The following AQP7 variants were observed in gnomAD, a reference collection of about 807,000 sequenced individuals.
AQP7 encodes the protein aquaporin 7, also known as aquaporin-7.
In AQP7, 22 loss-of-function variants were observed where a neutral mutation model predicts 26.1. The ratio of observed to expected loss-of-function variants is 0.84; its 90% confidence interval spans 0.60 to 1.20. The LOEUF is 1.20. Among genes scored for constraint, AQP7 ranks in the 50% most tolerant of loss-of-function variants. The probability of loss-of-function intolerance (pLI) is 0.00; values close to 1 mark genes in which losing one functional copy is unlikely to be tolerated. For synonymous variants in AQP7, 167 were observed against 181.7 expected (o/e 0.92, Z 0.65); for missense variants, 412 against 457.5 (o/e 0.90, Z 0.91).
At position 33,383,844 on chromosome 9, in the gene AQP7, G is replaced by A. The variant is rs1460883382; in HGVS notation, c.*1161C>T. The A allele has an allele frequency of 6.7e-6, 1 of 150,188 alleles. No homozygotes were observed. The highest frequency in any genetic ancestry group is 1.5e-5 in the Non-Finnish European group (1 of 67,762). 9.3% of individuals were successfully genotyped at this position (150,188 alleles called of 1,614,324 possible). ...CTCCTCTGGGAAGCCTCCTGGCCTTGGCCCAGAGGCTGGATGTGAGCTCCC... is the reference window on the plus strand; with the variant it reads ...CTCCTCTGGGAAGCCTCCTGGCCTTAGCCCAGAGGCTGGATGTGAGCTCCC... On this transcript the variant is annotated 3_prime_UTR_variant, in exon 8 of 8. Transcript: ENST00000297988.
Position 33,387,047 on chromosome 9 carries a change from A to G in AQP7, c.190T>C (p.Tyr64His), listed in dbSNP as rs1276354660. The change falls in exon 4 of 8, where the codon TAT becomes CAT. Residue 64 changes from tyrosine to histidine, a missense_variant. Transcript: ENST00000297988. ...AAGTTGACACCAAGGTAGCTCCCATATTTTTTATTTAGAACCATATGGGCC... is the reference window on the plus strand; with the variant it reads ...AAGTTGACACCAAGGTAGCTCCCATGTTTTTTATTTAGAACCATATGGGCC... Reference protein sequence around the residue: ...SVAHMVLNKKYGSYLGVNLGF... With the variant: ...SVAHMVLNKKHGSYLGVNLGF... The G allele has an allele frequency of 1.9e-6, 3 of 1,611,804 alleles. No individual in the cohort carries two copies. The highest frequency in any genetic ancestry group is 1.7e-6 in the Non-Finnish European group (2 of 1,179,840).
rs779798437 is a variant in AQP7 at position 33,386,459 on chromosome 9, C to T, written c.351G>A (p.Leu117=). 3.1e-6 allele frequency: 5 copies of T among 1,611,792 alleles called. No individual in the cohort carries two copies. The East Asian group carries it at 1.1e-4, about 36-fold the overall frequency. ...VPWRKFPVYV[L]GQFLGSFLAA... Reference sequence around the variant, plus strand: ...CCAGGAAGGAGCCCAGGAACTGCCCCAGCACATAGACCGGAAACTTCCTCC... The same window carrying T: ...CCAGGAAGGAGCCCAGGAACTGCCCTAGCACATAGACCGGAAACTTCCTCC... The change falls in exon 5 of 8, where the codon CTG becomes CTA. Residue 117 remains leucine, a synonymous_variant. Coordinates refer to ENST00000297988, the MANE Select transcript of AQP7 (RefSeq NM_001170.3).
rs535356696 is a variant in AQP7, at chr9:33,389,272, G to A, written c.145-2180C>T. Reference sequence around the variant, plus strand: ...TCAAACACCTGACCTCAGATGATCCGCCTGCCTTGGCCTCCCAAAGTCCTG... The same window carrying A: ...TCAAACACCTGACCTCAGATGATCCACCTGCCTTGGCCTCCCAAAGTCCTG... On this transcript the variant is annotated intron_variant, in intron 3 of 7. Transcript: ENST00000297988. Among the ~76,000 whole-genome samples the A allele has an allele frequency of 5.3e-5, 8 of 152,186 alleles. No individual in the cohort carries two copies. In the South Asian group the frequency reaches 1.0e-3, roughly 20 times the overall value.
At chr9:33,386,766 A>G (rs1824853659) in intron 4 of AQP7, among the ~76,000 whole-genome samples, 1 of 152,210 alleles carries the variant, frequency 6.6e-6, no homozygotes. Context: ...TGACCCAGCC[A>G]GTGAAAATGG....
rs140886274 is a variant in AQP7, at chr9:33,385,137, G to C, written c.897C>G (p.Thr299=). The change falls in exon 8 of 8, where the codon ACC becomes ACG. Residue 299 remains threonine, a synonymous_variant. Transcript: ENST00000297988. ...DSVAYEDHGI[T]VLPKMGSHEP... ...CATGAGATCCCATCTTGGGCAATACGGTTATCCCGTGGTCTTCATACGCCA... is the reference window on the plus strand; with the variant it reads ...CATGAGATCCCATCTTGGGCAATACCGTTATCCCGTGGTCTTCATACGCCA... 11 of 1,611,964 alleles carry C rather than the reference G, an allele frequency of 6.8e-6. No individual in the cohort carries two copies. Among genetic ancestry groups the C allele is most frequent in the Non-Finnish European group, 8.5e-6 (10 of 1,179,832 alleles).
rs148119598 is a variant in AQP7, at chr9:33,401,247, C to T, written c.16G>A (p.Gly6Arg). The stretch of plus-strand genomic sequence containing the variant: ...GGGTGGGGTACTTACCGCCTGTGCC[C>T]GGATGCTTGAACCATGTTTTGTCTT... The part of the protein sequence containing the change: MVQAS[G>R]HRRSTRGSKM... Residue 6 changes from glycine to arginine, a missense_variant, in exon 2 of 8, where the codon GGG becomes AGG. Gly to Arg is a moderately radical substitution (Grantham distance 125). Transcript: ENST00000297988. 4.6e-4 allele frequency: 719 copies of T among 1,549,284 alleles called. 2 individuals are homozygous for T. The highest frequency in any genetic ancestry group is 1.3e-3 in the South Asian group (108 of 83,948).
intron 3 of AQP7, among the ~76,000 whole-genome samples, chr9:33,390,887 C>T (rs868453985): frequency 6.6e-6 from 1 of 152,122 alleles, no homozygotes; most frequent in Non-Finnish European, 1.5e-5. Context: ...CGAGGCAGGC[C>T]GATCATGAGG....
At chr9:33,388,150 G>T (rs1324477519) in intron 3 of AQP7, among the ~76,000 whole-genome samples, 3 of 152,170 alleles carry the variant, frequency 2.0e-5, no homozygotes, top group Non-Finnish European at 4.4e-5. Context: ...CTCCGCGGGG[G>T]AGCCGGATCC....
intron 3 of AQP7, among the ~76,000 whole-genome samples, chr9:33,387,340 C>G (rs1417365172): frequency 2.0e-5 from 3 of 152,130 alleles, no homozygotes; most frequent in South Asian, 2.1e-4. Context: ...GAAGCTCTTA[C>G]GACAAACATC....
intron 3 of AQP7, among the ~76,000 whole-genome samples, chr9:33,394,632 A>G (rs1339031216): frequency 1.3e-5 from 2 of 151,612 alleles, no homozygotes; most frequent in African/African-American, 4.8e-5. Context: ...TGAATAACTG[A>G]GATTACAGGC....
At chr9:33,392,086 G>C (rs1564181874) in intron 3 of AQP7, among the ~76,000 whole-genome samples, 1 of 152,154 alleles carries the variant, frequency 6.6e-6, no homozygotes, top group African/African-American at 2.4e-5. Context: ...GGCCGAGGTG[G>C]GAGGATCACT....
intron 3 of AQP7, among the ~76,000 whole-genome samples, chr9:33,394,487 T>A (rs1387597500): frequency 2.4e-4 from 1 of 4,114 alleles, no homozygotes; most frequent in Admixed American, 0.018. Context: ...TCTCTCTCTC[T>A]TTTTTTTTTT....
intron 3 of AQP7, 97 bp downstream of exon 3, chr9:33,394,981 A>T: frequency 9.4e-7 from 1 of 1,064,418 alleles, no homozygotes; most frequent in Middle Eastern, 2.5e-4. Context: ...GCTCAGAGGC[A>T]AGGAATGGAC....
chr9:33,398,339 T>C (rs1287780109), intron 2 of AQP7, among the ~76,000 whole-genome samples: 1 of 151,542 alleles, frequency 6.6e-6, no homozygotes, highest in Non-Finnish European at 1.5e-5. Context: ...TTAGGGAGTC[T>C]GAACTCTACC....
In AQP7 at chr9:33,385,769, A is replaced by T; in HGVS notation, c.623T>A (p.Ile208Asn). 1 of 1,613,620 alleles carries T rather than the reference A, an allele frequency of 6.2e-7. No homozygotes were observed. The highest frequency in any genetic ancestry group is 1.1e-5 in the South Asian group (1 of 91,058). ...GGACACCCCGATGATGACCACGAGG[A>T]TGCCTATCACCAGCGCCTCTGTTCC... ...LPGTEALVIGILVVIIGVSLG... is the reference protein window; with the variant it reads ...LPGTEALVIGNLVVIIGVSLG... The change falls in exon 7 of 8, where the codon ATC becomes AAC. Residue 208 changes from isoleucine to asparagine, a missense_variant. By Grantham distance (149) the Ile-to-Asn change is moderately radical (BLOSUM62 -3). Transcript: ENST00000297988.
intron 3 of AQP7, 105 bp from the exon 4 acceptor site, chr9:33,387,197 C>T: frequency 7.3e-7 from 1 of 1,360,924 alleles, no homozygotes; most frequent in Non-Finnish European, 1.0e-6. Flanking sequence ...CTGGGCCTCC[C>T]TGGCATTGCC....
chr9:33,391,125 A>G (rs1490971585), intron 3 of AQP7, among the ~76,000 whole-genome samples: 1 of 152,212 alleles, frequency 6.6e-6, no homozygotes, highest in Non-Finnish European at 1.5e-5. Flanking sequence ...TAAATAAAAT[A>G]AAATACTGGG....
intron 2 of AQP7, among the ~76,000 whole-genome samples, chr9:33,398,843 A>T (rs1826037428): frequency 6.6e-6 from 1 of 152,118 alleles, no homozygotes; most frequent in Non-Finnish European, 1.5e-5. Context: ...GACTAAGAAG[A>T]GGGGCCCAAG....
At chr9:33,385,584 CA>C in intron 7 of AQP7, 64 bp downstream of exon 7, 1 of 1,572,832 alleles carries the variant, frequency 6.4e-7, no homozygotes, top group Non-Finnish European at 8.7e-7. Context: ...CATCACCCCC[CA>C]CCCCTCAACA....
Sources: gnomAD v4.1 joint callset for allele counts (sites outside exome capture counted in the v4.1 genomes callset) on GRCh38, gnomAD v4.1.1 for gene constraint, MANE v1.5 for transcripts, NCBI Gene and HGNC (gene_info 2026-07-23, HGNC 2026-07-21) for gene names.